Variants in DAB1 observed in about 807,000 individuals in gnomAD.
The protein encoded by DAB1 is DAB adaptor protein 1, also known as disabled homolog 1.
In DAB1, 15 loss-of-function variants were observed where a neutral mutation model predicts 64.6. That is an observed-to-expected ratio of 0.23 (90% confidence interval 0.16 to 0.36). The LOEUF is 0.36. Among genes scored for constraint, DAB1 ranks in the 10% least tolerant of loss-of-function variants. The pLI, the probability that DAB1 is intolerant of heterozygous loss-of-function variation, is 1.00. For synonymous variants in DAB1, 235 were observed against 251.9 expected, an observed-to-expected ratio of 0.93 and a Z score of 0.64; for missense variants, 596 against 706.7, an observed-to-expected ratio of 0.84 and a Z score of 1.78.
chr1:58,138,162 A>C (rs1654052712), intron 5 of DAB1, among the ~76,000 whole-genome samples: 1 of 152,194 alleles, frequency 6.6e-6, no homozygotes, highest in South Asian at 2.1e-4. Context: ...TAATGCTCAC[A>C]GTAAGTTTAT....
rs181498653 is a variant in DAB1, at chr1:57,009,171, C to A, written c.*15+1509G>T. 4.6e-5 allele frequency among the ~76,000 whole-genome samples: 7 copies of A among 152,280 alleles called. No individual in the cohort carries two copies. The East Asian group carries it at 1.2e-3, about 25-fold the overall frequency. On this transcript the variant is annotated intron_variant, in intron 14 of 14. Coordinates refer to ENST00000371236, the MANE Select transcript of DAB1 (RefSeq NM_001365792.1). ...GCTCTTGTCACCTCTAGTTTATTCA[C>A]CAAATTTTTCAAGGCAAGGTTGAGC... is the stretch of plus-strand genomic sequence containing the variant.
At chr1:57,341,176 G>A (rs1173144790) in intron 1 of DAB1, among the ~76,000 whole-genome samples, 1 of 152,098 alleles carries the variant, frequency 6.6e-6, no homozygotes, top group Non-Finnish European at 1.5e-5. Context: ...GGGGTAGGCA[G>A]TCCAATCTCA....
intron 2 of DAB1, among the ~76,000 whole-genome samples, chr1:57,182,043 G>A (rs891485952): frequency 4.6e-5 from 7 of 151,982 alleles, no homozygotes; most frequent in Non-Finnish European, 7.4e-5. Flanking sequence ...ATGCCACCAC[G>A]CCCAGCTGAT....
intron 3 of DAB1, among the ~76,000 whole-genome samples, chr1:58,497,462 A>G (rs1645822371): frequency 6.6e-6 from 1 of 152,192 alleles, no homozygotes; most frequent in African/African-American, 2.4e-5. Context: ...TCTGAAATGC[A>G]TACTAAAGTT....
At chr1:57,917,720 T>C (rs889991680) in intron 5 of DAB1, among the ~76,000 whole-genome samples, 1 of 152,166 alleles carries the variant, frequency 6.6e-6, no homozygotes, top group Non-Finnish European at 1.5e-5. Flanking sequence ...TTAAAGTCTT[T>C]AAAGTAAAAT....
At chr1:58,200,599 C>T (rs1657942741) in intron 4 of DAB1, among the ~76,000 whole-genome samples, 2 of 151,464 alleles carry the variant, frequency 1.3e-5, no homozygotes, top group South Asian at 2.1e-4. Flanking sequence ...ACCAAATTAT[C>T]ATGATTATAT....
chr1:58,358,976 A>T (rs1014283615), intron 3 of DAB1, among the ~76,000 whole-genome samples: 1 of 145,752 alleles, frequency 6.9e-6, no homozygotes, highest in Non-Finnish European at 1.5e-5. Flanking sequence ...ACACACACAC[A>T]CTCAAAGGAT....
intron 3 of DAB1, among the ~76,000 whole-genome samples, chr1:58,406,171 A>G (rs959309594): frequency 1.3e-5 from 2 of 152,168 alleles, no homozygotes; most frequent in Non-Finnish European, 2.9e-5. Flanking sequence ...GAACCACTGG[A>G]GAATGCTGCC....
At chr1:57,695,012 T>G (rs1646806971) in intron 6 of DAB1, among the ~76,000 whole-genome samples, 1 of 152,024 alleles carries the variant, frequency 6.6e-6, no homozygotes, top group East Asian at 1.9e-4. Flanking sequence ...TCCTAAATTT[T>G]TTAAAAATAA....
chr1:58,165,161 A>T (rs1380058768), intron 4 of DAB1, among the ~76,000 whole-genome samples: 1 of 152,172 alleles, frequency 6.6e-6, no homozygotes, highest in East Asian at 1.9e-4. Context: ...ATTAATCGCC[A>T]CATTCACACT....
chr1:57,142,598 T>TCACA (rs149545090), intron 3 of DAB1, among the ~76,000 whole-genome samples: 36,303 of 142,602 alleles, frequency 0.25, 4,703 homozygotes, highest in East Asian at 0.41. Flanking sequence ...TCACTGCAGG[T>TCACA]CACACACACA....
intron 7 of DAB1, among the ~76,000 whole-genome samples, chr1:57,563,006 C>T (rs566021472): frequency 1.3e-5 from 2 of 152,218 alleles, no homozygotes; most frequent in East Asian, 1.9e-4. Flanking sequence ...TTACCATGCC[C>T]TGTGATTAAG....
chr1:58,205,869 C>A (rs1038803016), intron 4 of DAB1, among the ~76,000 whole-genome samples: 1 of 152,176 alleles, frequency 6.6e-6, no homozygotes, highest in Non-Finnish European at 1.5e-5. Context: ...CAGAGCGGAC[C>A]AATCTGTCCC....
chr1:57,011,026 A>G, intron 13 of DAB1, 119 bp downstream of exon 13: 1 of 1,344,728 alleles, frequency 7.4e-7, no homozygotes, highest in Admixed American at 2.1e-5. Flanking sequence ...CCCCTTGAGA[A>G]CTTATGAGAT....
At chr1:57,752,351 T>C (rs940032807) in intron 6 of DAB1, among the ~76,000 whole-genome samples, 21 of 152,182 alleles carry the variant, frequency 1.4e-4, no homozygotes, top group Admixed American at 3.3e-4. Flanking sequence ...GGTTTTGATG[T>C]TGAGACAAAG....
intron 4 of DAB1, among the ~76,000 whole-genome samples, chr1:58,184,767 TAA>T (rs1339810386): frequency 3.9e-5 from 6 of 152,178 alleles, no homozygotes; most frequent in Non-Finnish European, 7.3e-5. Context: ...CATTTAGAAA[TAA>T]GTCAAAGTTG....
At position 57,563,412 on chromosome 1, in the gene DAB1, T is replaced by A. The variant is rs955121193; in HGVS notation, n.625+86180A>T. On this transcript the variant is annotated intron_variant and non_coding_transcript_variant, in intron 7 of 20. Transcript: ENST00000485760. The stretch of plus-strand genomic sequence containing the variant: ...GCATTTCCAACTGAGGTACCAGGTT[T>A]ATCTCACTGGGGCTTGTCAGACAGT... Among the ~76,000 whole-genome samples, 6 of 152,080 alleles carry A rather than the reference T, an allele frequency of 3.9e-5. No homozygotes were observed. In the East Asian group the frequency reaches 1.2e-3, roughly 29 times the overall value.
At chr1:58,407,475 G>GC in intron 3 of DAB1, among the ~76,000 whole-genome samples, 1 of 152,264 alleles carries the variant, frequency 6.6e-6, no homozygotes, top group African/African-American at 2.4e-5. Flanking sequence ...GGAATGATTT[G>GC]CCCCCTTTCC....
intron 1 of DAB1, among the ~76,000 whole-genome samples, chr1:57,392,767 T>C (rs1229925238): frequency 2.0e-5 from 3 of 152,136 alleles, no homozygotes; most frequent in Non-Finnish European, 4.4e-5. Context: ...GTTCGGGAAA[T>C]AGCCAGAAGA....
Sources: allele counts gnomAD v4.1 joint callset (sites outside exome capture counted in the v4.1 genomes callset), GRCh38; gene constraint gnomAD v4.1.1; transcripts MANE v1.5; gene names NCBI Gene and HGNC (gene_info 2026-07-23, HGNC 2026-07-21).